MSRB3: variants seen among roughly 807,000 people sequenced by gnomAD.
MSRB3 encodes the protein methionine-R-sulfoxide reductase B3.
A neutral mutation model predicts 21.0 loss-of-function variants in MSRB3; 13 were observed. The ratio of observed to expected loss-of-function variants is 0.62; its 90% CI spans 0.40 to 0.98. MSRB3 has a LOEUF of 0.98. MSRB3 is among the 50% of genes least tolerant of loss of function. The probability of loss-of-function intolerance (pLI) is 0.00; values close to 1 mark genes in which losing one functional copy is unlikely to be tolerated. For missense variants in MSRB3, 199 were observed against 230.3 expected, an observed-to-expected ratio of 0.86 and a Z score of 0.88; for synonymous variants, 87 against 88.6, an observed-to-expected ratio of 0.98 and a Z score of 0.10.
chr12:65,403,442 G>C (rs1024818400), intron 5 of MSRB3, among the ~76,000 whole-genome samples: 1 of 152,136 alleles, frequency 6.6e-6, no homozygotes, highest in Non-Finnish European at 1.5e-5. Context: ...CAGTAATGGT[G>C]GACGCCCCTC....
chr12:65,391,616 C>G (rs565859392), intron 5 of MSRB3, among the ~76,000 whole-genome samples: 1 of 152,120 alleles, frequency 6.6e-6, no homozygotes, highest in East Asian at 1.9e-4. Flanking sequence ...AGAATGTTCT[C>G]AAAAAAGGTG....
At chr12:65,460,161 G>A (rs1286870145) in intron 6 of MSRB3, among the ~76,000 whole-genome samples, 1 of 152,234 alleles carries the variant, frequency 6.6e-6, no homozygotes, top group African/African-American at 2.4e-5. Flanking sequence ...CGAGCAACCA[G>A]TTTGTTTCAG....
intron 2 of MSRB3, among the ~76,000 whole-genome samples, chr12:65,325,934 C>G (rs543657702): frequency 6.6e-6 from 1 of 152,268 alleles, no homozygotes; most frequent in East Asian, 1.9e-4. Context: ...TTACTGCAGG[C>G]TGTATAGGTT....
intron 4 of MSRB3, among the ~76,000 whole-genome samples, chr12:65,346,753 A>G (rs1251189209): frequency 6.6e-6 from 1 of 152,026 alleles, no homozygotes; most frequent in African/African-American, 2.4e-5. Flanking sequence ...ATCTTGAATT[A>G]ATTTTTGTAT....
At chr12:65,280,995 TG>T (rs1160663503) in intron 1 of MSRB3, among the ~76,000 whole-genome samples, 2 of 152,014 alleles carry the variant, frequency 1.3e-5, no homozygotes, top group African/African-American at 4.8e-5. Context: ...GGGAGGCCAG[TG>T]TGGGAGGATT....
rs867897721 is a variant in MSRB3, at chr12:65,308,593, A to G, written c.14A>G (p.Asn5Ser). The G allele has an allele frequency of 9.3e-6, 15 of 1,613,726 alleles. No homozygotes were observed. Among genetic ancestry groups the G allele is most frequent in the South Asian group, 4.4e-5 (4 of 91,050 alleles). MSAF[N>S]LLHLVTKSQP... is the part of the protein sequence containing the mutation. ...GATATCACAGTGATGTCTGCATTCA[A>G]CCTGCTGCATTTGGTGACAAAGAGC... The change falls in exon 2 of 7, where the codon AAC (asparagine) becomes AGC (serine). Residue 5 changes from asparagine (N) to serine (S), a missense_variant. Coordinates refer to ENST00000308259, the MANE Select transcript of MSRB3 (RefSeq NM_001031679.3).
intron 5 of MSRB3, among the ~76,000 whole-genome samples, chr12:65,404,338 A>G (rs908650491): frequency 3.9e-5 from 6 of 152,224 alleles, no homozygotes; most frequent in Admixed American, 1.3e-4. Context: ...TGTGGGTAAC[A>G]AAATGCATTA....
In MSRB3 at chr12:65,326,885, C is replaced by T. The variant is rs568898551; in HGVS notation, c.136C>T (p.Arg46Trp). 8.1e-6 allele frequency: 13 copies of T among 1,611,580 alleles called. No individual in the cohort carries two copies. The highest frequency in any genetic ancestry group is 6.7e-5 in the Admixed American group (4 of 59,834). ...VVFSQQELRK[R>W]LTPLQYHVTQ... ...CTTTTCCCAGCAGGAACTGAGGAAG[C>T]GGCTAACACCCCTGCAGTACCATGT... is the stretch of plus-strand genomic sequence containing the variant. The change falls in exon 3 of 7, where the codon CGG becomes TGG. Residue 46 changes from arginine (R) to tryptophan (W), a missense_variant. Arg to Trp is a moderately radical substitution (Grantham distance 101). Coordinates refer to ENST00000308259, the MANE Select transcript of MSRB3 (RefSeq NM_001031679.3).
At chr12:65,413,531 G>A (rs942453717) in intron 5 of MSRB3, among the ~76,000 whole-genome samples, 3 of 151,730 alleles carry the variant, frequency 2.0e-5, no homozygotes, top group Non-Finnish European at 2.9e-5. Context: ...CTCTTCTTTT[G>A]CTCCATGAAC....
chr12:65,412,394 G>T (rs1012397212), intron 5 of MSRB3, among the ~76,000 whole-genome samples: 1 of 152,124 alleles, frequency 6.6e-6, no homozygotes, highest in African/African-American at 2.4e-5. Context: ...CATGCCTGTT[G>T]TGGACTTTCA....
chr12:65,409,247 A>G (rs1236588233), intron 5 of MSRB3, among the ~76,000 whole-genome samples: 1 of 152,072 alleles, frequency 6.6e-6, no homozygotes, highest in Non-Finnish European at 1.5e-5. Context: ...ATCAGAATAC[A>G]TTCTGAGAAA....
intron 5 of MSRB3, among the ~76,000 whole-genome samples, chr12:65,369,452 G>A (rs1592572037): frequency 6.6e-6 from 1 of 152,148 alleles, no homozygotes; most frequent in African/African-American, 2.4e-5. Context: ...ATTTGTCTAT[G>A]GTTTATTAGC....
intron 4 of MSRB3, among the ~76,000 whole-genome samples, chr12:65,364,947 T>G (rs1373193534): frequency 6.6e-6 from 1 of 152,220 alleles, no homozygotes; most frequent in Non-Finnish European, 1.5e-5. Context: ...TTTTTTTAAA[T>G]TGATACCCAA....
At chr12:65,410,883 G>A (rs1880680947) in intron 5 of MSRB3, among the ~76,000 whole-genome samples, 1 of 152,140 alleles carries the variant, frequency 6.6e-6, no homozygotes. Context: ...TAAAGGGAAT[G>A]ATGTGAAATT....
intron 4 of MSRB3, chr12:65,344,309 G>C (rs1006501744): frequency 2.0e-5 from 3 of 151,870 alleles, no homozygotes; most frequent in Non-Finnish European, 4.4e-5. Context: ...TCATATTCTG[G>C]GTCAGTTCTG....
At chr12:65,427,743 G>A (rs114983174) in intron 5 of MSRB3, among the ~76,000 whole-genome samples, 231 of 152,304 alleles carry the variant, frequency 1.5e-3, no homozygotes, top group African/African-American at 4.9e-3. Context: ...TAAAGTAGCC[G>A]GGGAGTCAAA....
chr12:65,423,634 G>A (rs547357199), intron 5 of MSRB3, among the ~76,000 whole-genome samples: 41 of 152,140 alleles, frequency 2.7e-4, no homozygotes, highest in Admixed American at 3.3e-4. Context: ...TGTTAATGTG[G>A]TATATCATAT....
intron 1 of MSRB3, among the ~76,000 whole-genome samples, chr12:65,287,763 G>GCA (rs1872455111): frequency 6.6e-6 from 1 of 152,076 alleles, no homozygotes; most frequent in African/African-American, 2.4e-5. Context: ...AGGGTTGAGG[G>GCA]CAGAGCATGT....
rs1181709861 is a variant in MSRB3, at chr12:65,394,125, T to C, written c.292+25099T>C. 2.0e-5 allele frequency among the ~76,000 whole-genome samples: 3 copies of C among 152,208 alleles called. No homozygotes were observed. In the East Asian group the frequency reaches 5.8e-4, roughly 29 times the overall value. ...TATAAAACATGTTTGTATGTATGCA[T>C]ATATATGAATTAGATGCTTCTATAT... On this transcript the variant is annotated intron_variant, in intron 5 of 6. Coordinates refer to ENST00000308259, the MANE Select transcript of MSRB3 (RefSeq NM_001031679.3).
Sources: gnomAD v4.1 joint callset for allele counts (sites outside exome capture counted in the v4.1 genomes callset) on GRCh38, gnomAD v4.1.1 for gene constraint, MANE v1.5 for transcripts, NCBI Gene and HGNC (gene_info 2026-07-23, HGNC 2026-07-21) for gene names.